The following GLIPR1L2 variants were observed in gnomAD, a reference collection of about 807,000 sequenced individuals.
GLIPR1L2 encodes GLIPR1 like 2, also known as GLIPR1-like protein 2.
GLIPR1L2 carries 21 observed loss-of-function variants against 28.4 expected under a neutral mutation model. The ratio of observed to expected loss-of-function variants is 0.74; its 90% CI spans 0.52 to 1.06. GLIPR1L2 has a LOEUF of 1.06. GLIPR1L2 is among the 50% of genes least tolerant of loss of function. The pLI, the probability that GLIPR1L2 is intolerant of heterozygous loss-of-function variation, is 0.00. For missense variants in GLIPR1L2, 476 were observed against 416.9 expected (o/e 1.14, Z -1.23); for synonymous variants, 145 against 139.3 (o/e 1.04, Z -0.29).
At chr12:75,397,339 A>T (rs1285346659) in intron 1 of GLIPR1L2, among the ~76,000 whole-genome samples, 1 of 151,858 alleles carries the variant, frequency 6.6e-6, no homozygotes, top group African/African-American at 2.4e-5. Flanking sequence ...TAATCATTTT[A>T]AACATAATTA....
chr12:75,413,444 T>C (rs1261953179), intron 2 of GLIPR1L2, among the ~76,000 whole-genome samples, 154 bp from the exon 3 acceptor site: 1 of 152,056 alleles, frequency 6.6e-6, no homozygotes, highest in Non-Finnish European at 1.5e-5. Flanking sequence ...CCGAACTCCT[T>C]GGTAACTCTC....
intron 1 of GLIPR1L2, among the ~76,000 whole-genome samples, chr12:75,398,296 T>C (rs1231614367): frequency 1.6e-5 from 2 of 122,536 alleles, no homozygotes; most frequent in African/African-American, 6.6e-5. Flanking sequence ...ACCACTGTAC[T>C]CCAGCCTGGG....
intron 1 of GLIPR1L2, chr12:75,402,885 T>A (rs937041239): frequency 2.4e-6 from 1 of 417,560 alleles, no homozygotes; most frequent in South Asian, 1.8e-5. Flanking sequence ...AATCCCCACT[T>A]ATCCTTGCTG....
chr12:75,399,718 CTTT>C (rs1490976018), intron 1 of GLIPR1L2, among the ~76,000 whole-genome samples: 5 of 152,188 alleles, frequency 3.3e-5, no homozygotes, highest in Non-Finnish European at 5.9e-5. Flanking sequence ...GCTATTCAGA[CTTT>C]TTAACATTTT....
At position 75,431,775 on chromosome 12, in the gene GLIPR1L2, T is replaced by A. The variant is rs2046095053; in HGVS notation, c.*614T>A. 1 of 152,108 alleles carries A rather than the reference T, an allele frequency of 6.6e-6. No homozygotes were observed. Among genetic ancestry groups the A allele is most frequent in the Non-Finnish European group, 1.5e-5 (1 of 67,956 alleles). The allele number at this position is 152,108 out of a possible 1,614,324, so 9.4% of individuals were successfully genotyped here. On this transcript the variant is annotated 3_prime_UTR_variant, in exon 6 of 6. Coordinates refer to ENST00000550916, the MANE Select transcript of GLIPR1L2 (RefSeq NM_001270396.2). The stretch of plus-strand genomic sequence containing the variant: ...ATATTTCATTAAAGACTTGCTGTAA[T>A]TTTCTGCCACCAAGGGCTAATAAAT...
At chr12:75,401,980 A>G (rs2139927283) in intron 1 of GLIPR1L2, among the ~76,000 whole-genome samples, 1 of 152,294 alleles carries the variant, frequency 6.6e-6, no homozygotes, top group Non-Finnish European at 1.5e-5. Context: ...ATAAAACAGC[A>G]TTCTTATTTG....
At chr12:75,416,668 C>A (rs2045926518) in intron 3 of GLIPR1L2, among the ~76,000 whole-genome samples, 1 of 151,996 alleles carries the variant, frequency 6.6e-6, no homozygotes, top group Non-Finnish European at 1.5e-5. Context: ...TATTTGGTGA[C>A]CTTAATAAGA....
At chr12:75,398,678 A>G (rs2045708389) in intron 1 of GLIPR1L2, among the ~76,000 whole-genome samples, 1 of 152,194 alleles carries the variant, frequency 6.6e-6, no homozygotes, top group African/African-American at 2.4e-5. Flanking sequence ...CTGTAGTTTT[A>G]TATGTAATAT....
intron 1 of GLIPR1L2, among the ~76,000 whole-genome samples, chr12:75,407,205 A>G (rs1381530577): frequency 6.6e-6 from 1 of 152,042 alleles, no homozygotes; most frequent in Non-Finnish European, 1.5e-5. Flanking sequence ...CTGTGTTTGG[A>G]GTTGAGCCTC....
intron 1 of GLIPR1L2, among the ~76,000 whole-genome samples, chr12:75,393,079 G>C (rs923684472): frequency 6.6e-6 from 1 of 151,932 alleles, no homozygotes; most frequent in African/African-American, 2.4e-5. Flanking sequence ...AATTCCAAAA[G>C]TTAATACCTG....
chr12:75,423,773 T>C (rs2046004299), intron 4 of GLIPR1L2: 1 of 152,218 alleles, frequency 6.6e-6, no homozygotes, highest in Non-Finnish European at 1.5e-5. Context: ...TGTGTCCATG[T>C]GTTCTCATTG....
intron 4 of GLIPR1L2, among the ~76,000 whole-genome samples, chr12:75,425,557 C>G (rs1207538773): frequency 6.6e-6 from 1 of 152,180 alleles, no homozygotes; most frequent in African/African-American, 2.4e-5. Context: ...ACAGGGCCAG[C>G]CCCTAAGTTG....
At chr12:75,415,595 G>A (rs1594020041) in intron 3 of GLIPR1L2, among the ~76,000 whole-genome samples, 1 of 152,110 alleles carries the variant, frequency 6.6e-6, no homozygotes, top group Admixed American at 6.6e-5. Context: ...TCCAGATGTT[G>A]ACTAAGTATT....
At chr12:75,416,392 C>CCT (rs2045923954) in intron 3 of GLIPR1L2, among the ~76,000 whole-genome samples, 1 of 130,568 alleles carries the variant, frequency 7.7e-6, no homozygotes, top group South Asian at 2.5e-4. Flanking sequence ...ATTAGATCAG[C>CCT]ATGTGGGAGA....
chr12:75,431,228 G>GA lies in GLIPR1L2; in HGVS notation c.*80dup, dbSNP rs5799226. 0.054 allele frequency: 23,150 copies of GA among 428,632 alleles called. No homozygotes were observed. The highest frequency in any genetic ancestry group is 0.086 in the Middle Eastern group (129 of 1,506). The allele number at this position is 428,632 out of a possible 1,614,324, so 26.6% of individuals were successfully genotyped here. The stretch of plus-strand genomic sequence containing the variant: ...CAAAAGTGTAATACAAAAAAAGACA[G>GA]AAAAAAAAAAAAAGTAAAACACTGA... On this transcript the variant is annotated 3_prime_UTR_variant, in exon 6 of 6. Coordinates refer to ENST00000550916, the MANE Select transcript of GLIPR1L2 (RefSeq NM_001270396.2).
intron 1 of GLIPR1L2, among the ~76,000 whole-genome samples, chr12:75,394,136 A>C (rs1181048203): frequency 6.6e-6 from 1 of 152,060 alleles, no homozygotes; most frequent in East Asian, 1.9e-4. Flanking sequence ...GTTGAATTAT[A>C]GGAATTTTTA....
intron 4 of GLIPR1L2, among the ~76,000 whole-genome samples, chr12:75,426,567 A>G (rs549164153): frequency 1.3e-4 from 20 of 152,088 alleles, no homozygotes; most frequent in African/African-American, 4.8e-4. Context: ...TCATTGGCAA[A>G]CTCTTACCTG....
rs187106640 is a variant in GLIPR1L2 at position 75,423,117 on chromosome 12, A to T, written c.670+128A>T. On this transcript the variant is annotated intron_variant, in intron 4 of 5. Coordinates refer to ENST00000550916, the MANE Select transcript of GLIPR1L2 (RefSeq NM_001270396.2). ...TTGATCAGAATGCTACTATTATGTT[A>T]TCAAAGGATGGTTGACACAGTATCA... 5.3e-4 allele frequency: 825 copies of T among 1,563,612 alleles called. 4 individuals are homozygous for T. The highest frequency in any genetic ancestry group is 3.8e-3 in the African/African-American group (274 of 72,188).
intron 3 of GLIPR1L2, among the ~76,000 whole-genome samples, chr12:75,415,789 A>C (rs1256230985): frequency 1.3e-5 from 2 of 152,100 alleles, no homozygotes; most frequent in Non-Finnish European, 1.5e-5. Context: ...AAGTCAGCCA[A>C]GGTATGTCAG....
Sources: gnomAD v4.1 joint callset for allele counts (sites outside exome capture counted in the v4.1 genomes callset) on GRCh38, gnomAD v4.1.1 for gene constraint, MANE v1.5 for transcripts, NCBI Gene and HGNC (gene_info 2026-07-23, HGNC 2026-07-21) for gene names.